MARCHF4: variants seen among roughly 807,000 people sequenced by gnomAD.
MARCHF4 encodes the protein E3 ubiquitin-protein ligase MARCHF4.
A neutral mutation model predicts 43.9 loss-of-function variants in MARCHF4; 14 were observed. The observed-to-expected ratio is 0.32, with a 90% CI of 0.21 to 0.50. MARCHF4 has a LOEUF of 0.50. Ranked by LOEUF, MARCHF4 falls within the 20% of genes least tolerant of loss-of-function variation. MARCHF4 has a pLI of 0.98. For synonymous variants in MARCHF4, 226 were observed against 213.3 expected (o/e 1.06, Z -0.52); for missense variants, 468 against 536.7 (o/e 0.87, Z 1.27).
intron 1 of MARCHF4, among the ~76,000 whole-genome samples, chr2:216,338,895 C>T (rs904683755): frequency 6.6e-6 from 1 of 152,142 alleles, no homozygotes; most frequent in African/African-American, 2.4e-5. Flanking sequence ...AGTGAGTGCT[C>T]TTATTATCTC....
At chr2:216,331,131 G>A (rs903408156) in intron 1 of MARCHF4, among the ~76,000 whole-genome samples, 2 of 151,876 alleles carry the variant, frequency 1.3e-5, no homozygotes, top group East Asian at 1.9e-4. Context: ...AACAAGACTC[G>A]TCAAGACAAA....
chr2:216,286,769 T>A (rs1279117995), intron 1 of MARCHF4, among the ~76,000 whole-genome samples: 3 of 152,168 alleles, frequency 2.0e-5, no homozygotes, highest in African/African-American at 7.2e-5. Context: ...CTAAAAAGCT[T>A]TCACAGGGAC....
intron 1 of MARCHF4, among the ~76,000 whole-genome samples, chr2:216,327,673 T>C (rs1365352367): frequency 1.3e-5 from 2 of 152,224 alleles, no homozygotes; most frequent in African/African-American, 4.8e-5. Context: ...GATATAATGC[T>C]TTAGCAAGAG....
At chr2:216,282,128 C>A (rs1192117438) in intron 2 of MARCHF4, among the ~76,000 whole-genome samples, 3 of 152,084 alleles carry the variant, frequency 2.0e-5, no homozygotes, top group Admixed American at 6.5e-5. Context: ...TATTTTAAGA[C>A]ACTTTGAGAT....
intron 3 of MARCHF4, 109 bp from the exon 4 acceptor site, chr2:216,259,788 T>C (rs1238297509): frequency 3.6e-6 from 4 of 1,095,986 alleles, no homozygotes; most frequent in African/African-American, 1.6e-5. Context: ...ATGGCTCCAG[T>C]GCTGAGCCAT....
At chr2:216,273,740 C>T (rs1414632665) in intron 3 of MARCHF4, among the ~76,000 whole-genome samples, 2 of 152,202 alleles carry the variant, frequency 1.3e-5, no homozygotes, top group African/African-American at 4.8e-5. Context: ...TCCCGTGGCT[C>T]CTGCCTTTGT....
chr2:216,298,259 T>TC (rs1491037414), intron 1 of MARCHF4, among the ~76,000 whole-genome samples: 2 of 34,554 alleles, frequency 5.8e-5, no homozygotes, highest in Non-Finnish European at 1.0e-4. Context: ...CTTTTAGGTT[T>TC]TTTTTTTTTT....
rs1326442536 is a variant in MARCHF4 at position 216,357,402 on chromosome 2, G to A, written c.516+12343C>T. Reference sequence around the variant, plus strand: ...CAGTAGTACATCATGGCTCCCTGCAGCCTCTGCCTCTGGGTTCAAGCAATC... The same window carrying A: ...CAGTAGTACATCATGGCTCCCTGCAACCTCTGCCTCTGGGTTCAAGCAATC... On this transcript the variant is annotated intron_variant, in intron 1 of 3. Transcript: ENST00000273067. Among the ~76,000 whole-genome samples, 4 of 152,272 alleles carry A rather than the reference G, an allele frequency of 2.6e-5. No individual in the cohort carries two copies. In the East Asian group the frequency reaches 5.8e-4, roughly 22 times the overall value.
chr2:216,340,584 T>C (rs1469227519), intron 1 of MARCHF4, among the ~76,000 whole-genome samples: 1 of 152,184 alleles, frequency 6.6e-6, no homozygotes, highest in African/African-American at 2.4e-5. Flanking sequence ...GGCTGCCACC[T>C]GCAACAGTCT....
chr2:216,320,381 T>C (rs1316038317), intron 1 of MARCHF4, among the ~76,000 whole-genome samples: 1 of 152,220 alleles, frequency 6.6e-6, no homozygotes, highest in Non-Finnish European at 1.5e-5. Context: ...GCATTTCACA[T>C]TGCTTAACTC....
At chr2:216,362,291 C>G (rs1279570535) in intron 1 of MARCHF4, among the ~76,000 whole-genome samples, 1 of 152,208 alleles carries the variant, frequency 6.6e-6, no homozygotes, top group Non-Finnish European at 1.5e-5. Flanking sequence ...TATACACACA[C>G]ACACAAATAT....
chr2:216,308,984 G>A (rs1409018349), intron 1 of MARCHF4, among the ~76,000 whole-genome samples: 2 of 152,196 alleles, frequency 1.3e-5, no homozygotes, highest in East Asian at 1.9e-4. Flanking sequence ...TACTTGGAGA[G>A]GGAAGAGAAT....
chr2:216,290,526 A>G (rs1464032005), intron 1 of MARCHF4, among the ~76,000 whole-genome samples: 1 of 152,168 alleles, frequency 6.6e-6, no homozygotes, highest in Non-Finnish European at 1.5e-5. Flanking sequence ...TGTGAGTGAG[A>G]TGGGCAATCA....
chr2:216,275,326 C>T (rs1047441788), intron 3 of MARCHF4, among the ~76,000 whole-genome samples: 1 of 152,128 alleles, frequency 6.6e-6, no homozygotes, highest in Non-Finnish European at 1.5e-5. Flanking sequence ...GAGCACCAGG[C>T]CAGGCTGAGC....
intron 1 of MARCHF4, among the ~76,000 whole-genome samples, chr2:216,306,241 A>T (rs1691584235): frequency 6.6e-6 from 1 of 152,200 alleles, no homozygotes; most frequent in East Asian, 1.9e-4. Context: ...ATTTTTGATC[A>T]ATCTTTTAAA....
chr2:216,311,927 C>T (rs1691693189), intron 1 of MARCHF4, among the ~76,000 whole-genome samples: 1 of 152,130 alleles, frequency 6.6e-6, no homozygotes, highest in Admixed American at 6.6e-5. Flanking sequence ...AAGTTGTATA[C>T]ATTGATTATA....
At position 216,334,285 on chromosome 2, in the gene MARCHF4, C is replaced by T. The variant is rs545292808; in HGVS notation, c.516+35460G>A. 5.9e-5 allele frequency among the ~76,000 whole-genome samples: 9 copies of T among 152,270 alleles called. 1 individual carries two copies. The South Asian group carries it at 6.2e-4, about 11-fold the overall frequency. ...GCCTTGAGCCAAGGAATGTGGTAGCCGCTAGCCAGCAAGAAAACAGAGACT... is the reference window on the plus strand; with the variant it reads ...GCCTTGAGCCAAGGAATGTGGTAGCTGCTAGCCAGCAAGAAAACAGAGACT... On this transcript the variant is annotated intron_variant, in intron 1 of 3. Coordinates refer to ENST00000273067, the MANE Select transcript of MARCHF4 (RefSeq NM_020814.3).
intron 1 of MARCHF4, among the ~76,000 whole-genome samples, chr2:216,330,359 A>G (rs1307093168): frequency 1.3e-5 from 2 of 152,238 alleles, no homozygotes; most frequent in Admixed American, 6.5e-5. Flanking sequence ...CACTAAAAGT[A>G]TATAAAACAA....
intron 1 of MARCHF4, among the ~76,000 whole-genome samples, chr2:216,332,859 C>A (rs1279842717): frequency 1.3e-5 from 2 of 152,142 alleles, no homozygotes; most frequent in Non-Finnish European, 2.9e-5. Flanking sequence ...GATCCACATA[C>A]ACGGATACAC....
Sources: allele counts gnomAD v4.1 joint callset (sites outside exome capture counted in the v4.1 genomes callset), GRCh38; gene constraint gnomAD v4.1.1; transcripts MANE v1.5; gene names NCBI Gene and HGNC (gene_info 2026-07-23, HGNC 2026-07-21).